The following MORN5 variants were observed in gnomAD, a reference collection of about 807,000 sequenced individuals.
The protein encoded by MORN5 is MORN repeat-containing protein 5.
In MORN5, 21 loss-of-function variants were observed where a neutral mutation model predicts 22.1. The observed-to-expected ratio is 0.95, with a 90% CI of 0.67 to 1.37. MORN5 has a LOEUF of 1.37. Among genes scored for constraint, MORN5 ranks in the 40% most tolerant of loss-of-function variants. The probability of loss-of-function intolerance (pLI) is 0.00; values close to 1 mark genes in which losing one functional copy is unlikely to be tolerated. For synonymous variants in MORN5, 73 were observed against 74.0 expected (o/e 0.99, Z 0.07); for missense variants, 211 against 215.1 (o/e 0.98, Z 0.12).
At chr9:122,173,483 A>G (rs1229495574) in intron 3 of MORN5, among the ~76,000 whole-genome samples, 1 of 152,206 alleles carries the variant, frequency 6.6e-6, no homozygotes, top group Admixed American at 6.5e-5. Flanking sequence ...TAGGTATGTC[A>G]TTAAGCAACA....
At chr9:122,164,245 G>A (rs1829244850) in intron 1 of MORN5, among the ~76,000 whole-genome samples, 1 of 151,970 alleles carries the variant, frequency 6.6e-6, no homozygotes, top group African/African-American at 2.4e-5. Context: ...AGGAGAAAAA[G>A]AAGAAGGGAG....
intron 4 of MORN5, among the ~76,000 whole-genome samples, chr9:122,195,360 A>G (rs1186551221): frequency 6.6e-6 from 1 of 152,200 alleles, no homozygotes; most frequent in Non-Finnish European, 1.5e-5. Flanking sequence ...ATGATTCACT[A>G]AAGCCCATAC....
intron 4 of MORN5, among the ~76,000 whole-genome samples, chr9:122,187,475 C>T (rs1192891877): frequency 1.3e-5 from 2 of 152,134 alleles, no homozygotes; most frequent in Non-Finnish European, 2.9e-5. Context: ...TCCCTGCATC[C>T]ACCAGGGTTT....
chr9:122,198,555 G>A (rs1408329139), intron 4 of MORN5, among the ~76,000 whole-genome samples: 1 of 152,194 alleles, frequency 6.6e-6, no homozygotes, highest in African/African-American at 2.4e-5. Flanking sequence ...AAGGCAGGGA[G>A]AAGGCAGCGT....
intron 4 of MORN5, among the ~76,000 whole-genome samples, chr9:122,181,878 C>G (rs13293527): frequency 0.056 from 8,549 of 152,280 alleles, 353 homozygotes; most frequent in Non-Finnish European, 0.09. Context: ...GACAGGTGTC[C>G]TGTGACTGGT....
chr9:122,199,123 T>C lies in MORN5; in HGVS notation c.440-762T>C, dbSNP rs79029278. On this transcript the variant is annotated intron_variant, in intron 4 of 4. Coordinates refer to ENST00000373764, the MANE Select transcript of MORN5 (RefSeq NM_198469.4). ...TGATGGCAGCGTGCTGTGGACTGAA[T>C]GTGATTCACTCAAGTCTCTTTATTT... Among the ~76,000 whole-genome samples, 995 of 152,278 alleles carry C rather than the reference T, an allele frequency of 6.5e-3. 12 individuals carry two copies. The highest frequency in any genetic ancestry group is 0.023 in the African/African-American group (957 of 41,536).
In MORN5 at chr9:122,176,795, T is replaced by C. The variant is rs1829457620; in HGVS notation, c.439+2168T>C. ...CAGGAGGCTGAGGCAGGAGAATCAC[T>C]TGAACCTGGGAGGCGGAGGTTGTAG... On this transcript the variant is annotated intron_variant, in intron 4 of 4. Coordinates refer to ENST00000373764, the MANE Select transcript of MORN5 (RefSeq NM_198469.4). Among the ~76,000 whole-genome samples the C allele has an allele frequency of 4.6e-5, 7 of 152,102 alleles. No homozygotes were observed. The South Asian group carries it at 1.5e-3, about 32-fold the overall frequency.
At chr9:122,182,325 C>G (rs555177905) in intron 4 of MORN5, among the ~76,000 whole-genome samples, 2 of 152,350 alleles carry the variant, frequency 1.3e-5, no homozygotes, top group East Asian at 3.9e-4. Context: ...TAGCACATAA[C>G]AGAAGGCCAT....
At chr9:122,167,353 CTTTTTTT>C (rs61672512) in intron 2 of MORN5, among the ~76,000 whole-genome samples, 8 of 104,550 alleles carry the variant, frequency 7.7e-5, no homozygotes, top group Admixed American at 4.9e-4. Context: ...CGCACCTGAC[CTTTTTTT>C]TTTTTTTTTT....
At chr9:122,195,586 A>G (rs1588319881) in intron 4 of MORN5, among the ~76,000 whole-genome samples, 1 of 152,172 alleles carries the variant, frequency 6.6e-6, no homozygotes, top group South Asian at 2.1e-4. Context: ...TTTGGGAGGA[A>G]GATCACAGAA....
chr9:122,172,975 C>T (rs1829387090), intron 3 of MORN5, among the ~76,000 whole-genome samples: 1 of 152,204 alleles, frequency 6.6e-6, no homozygotes, highest in East Asian at 1.9e-4. Flanking sequence ...CAAATCACTC[C>T]TCCCGAATTA....
intron 4 of MORN5, among the ~76,000 whole-genome samples, chr9:122,194,739 G>A (rs1237115716): frequency 1.3e-5 from 2 of 152,144 alleles, no homozygotes; most frequent in Non-Finnish European, 2.9e-5. Flanking sequence ...AAATATGCAA[G>A]CCGGGCACGG....
rs1351813705 is a variant in MORN5 at position 122,197,564 on chromosome 9, G to A, written c.440-2321G>A. ...TTGGTGAGCAGCTGCTGGGAGGGGA[G>A]GCATCTGTGATTCAAATTGGTGGCT... On this transcript the variant is annotated intron_variant, in intron 4 of 4. Coordinates refer to ENST00000373764, the MANE Select transcript of MORN5 (RefSeq NM_198469.4). This position sits in a 1 kb window ranked among gnomAD's most constrained non-coding sequence, Gnocchi z 5.7. 6.6e-6 allele frequency among the ~76,000 whole-genome samples: 1 copy of A among 152,180 alleles called. No homozygotes were observed. The highest frequency in any genetic ancestry group is 1.5e-5 in the Non-Finnish European group (1 of 68,018).
intron 4 of MORN5, among the ~76,000 whole-genome samples, chr9:122,176,074 C>T (rs1482717189): frequency 6.7e-6 from 1 of 149,220 alleles, no homozygotes; most frequent in African/African-American, 2.5e-5. Context: ...GCCGAGATCG[C>T]GCCACTGCAC....
At position 122,190,024 on chromosome 9, in the gene MORN5, C is replaced by T. The variant is rs1273315588; in HGVS notation, c.440-9861C>T. On this transcript the variant is annotated intron_variant, in intron 4 of 4. Transcript: ENST00000373764. ...GTCATTATGACTATGGGAACTTTTC[C>T]CCTCACCCATCAACTGAAGCACCTA... Among the ~76,000 whole-genome samples the T allele has an allele frequency of 2.0e-5, 3 of 151,886 alleles. No homozygotes were observed. The East Asian group carries it at 5.8e-4, about 29-fold the overall frequency.
intron 4 of MORN5, among the ~76,000 whole-genome samples, chr9:122,191,204 A>T (rs1418218984): frequency 2.0e-5 from 3 of 152,190 alleles, no homozygotes; most frequent in Non-Finnish European, 4.4e-5. Context: ...ACACTCAGCC[A>T]GTCACATGAG....
At chr9:122,172,776 A>G (rs1458553390) in intron 3 of MORN5, among the ~76,000 whole-genome samples, 2 of 152,216 alleles carry the variant, frequency 1.3e-5, no homozygotes, top group Non-Finnish European at 2.9e-5. Flanking sequence ...TCAAACAGGG[A>G]TAATGATACT....
intron 3 of MORN5, 145 bp downstream of exon 3, chr9:122,169,901 C>T: frequency 1.5e-6 from 1 of 650,472 alleles, no homozygotes; most frequent in Non-Finnish European, 2.7e-6. Context: ...GAGCCAGGTC[C>T]TGGAGCCAGG....
At chr9:122,164,902 C>G (rs1430963910) in intron 1 of MORN5, among the ~76,000 whole-genome samples, 2 of 152,230 alleles carry the variant, frequency 1.3e-5, no homozygotes, top group Non-Finnish European at 1.5e-5. Context: ...GTCATCCACT[C>G]TGTTCACTGA....
Sources: gnomAD v4.1 joint callset for allele counts (sites outside exome capture counted in the v4.1 genomes callset) on GRCh38, gnomAD v4.1.1 for gene constraint, Gnocchi (gnomAD v3.1) non-coding constraint, MANE v1.5 for transcripts, NCBI Gene and HGNC (gene_info 2026-07-23, HGNC 2026-07-21) for gene names.